The following CORIN variants were observed in gnomAD, a reference collection of about 807,000 sequenced individuals.
The protein encoded by CORIN is atrial natriuretic peptide-converting enzyme.
In CORIN, 117 loss-of-function variants were observed where a neutral mutation model predicts 125.3. That is an observed-to-expected ratio of 0.93 (90% confidence interval 0.80 to 1.09). CORIN has a LOEUF of 1.09. CORIN is among the 50% of genes least tolerant of loss of function. The pLI is 0.00. For synonymous variants in CORIN, 450 were observed against 466.4 expected, an observed-to-expected ratio of 0.96 and a Z score of 0.45; for missense variants, 1,253 against 1,306.7, an observed-to-expected ratio of 0.96 and a Z score of 0.63.
intron 1 of CORIN, among the ~76,000 whole-genome samples, chr4:47,824,116 CTT>C (rs199752598): frequency 2.8e-4 from 39 of 139,164 alleles, no homozygotes; most frequent in East Asian, 8.2e-4. Flanking sequence ...AATGCTATTC[CTT>C]TTTTTTTTTT....
intron 15 of CORIN, 50 bp downstream of exon 15, chr4:47,643,096 G>A (rs923568297): frequency 6.2e-7 from 1 of 1,613,638 alleles, no homozygotes; most frequent in Non-Finnish European, 8.5e-7. Context: ...CAGCTTCAGT[G>A]GCTGACAGGC....
At chr4:47,621,021 C>T (rs997314018) in intron 19 of CORIN, among the ~76,000 whole-genome samples, 6 of 151,802 alleles carry the variant, frequency 4.0e-5, no homozygotes, top group Non-Finnish European at 8.8e-5. Flanking sequence ...TTTTTTGCCT[C>T]GAATTTTTGC....
At chr4:47,836,650 A>C (rs1274110838) in intron 1 of CORIN, among the ~76,000 whole-genome samples, 3 of 152,110 alleles carry the variant, frequency 2.0e-5, no homozygotes, top group Non-Finnish European at 4.4e-5. Flanking sequence ...TTTATGAATT[A>C]CTCGAACAGC....
At chr4:47,765,928 T>C (rs978698947) in intron 3 of CORIN, among the ~76,000 whole-genome samples, 1 of 152,228 alleles carries the variant, frequency 6.6e-6, no homozygotes, top group African/African-American at 2.4e-5. Flanking sequence ...ACACTTTTTC[T>C]ATAGTTTTGT....
At chr4:47,702,287 C>G (rs1726333720) in intron 5 of CORIN, among the ~76,000 whole-genome samples, 1 of 151,906 alleles carries the variant, frequency 6.6e-6, no homozygotes, top group African/African-American at 2.4e-5. Flanking sequence ...AGGATGGTTT[C>G]TATAAAAGAG....
chr4:47,712,648 T>G (rs1387104168), intron 5 of CORIN, among the ~76,000 whole-genome samples: 1 of 152,198 alleles, frequency 6.6e-6, no homozygotes, highest in Admixed American at 6.5e-5. Context: ...CTCCCCTGGC[T>G]GCCACACAGA....
intron 21 of CORIN, among the ~76,000 whole-genome samples, chr4:47,597,351 CAAAA>C (rs11420411): frequency 2.5e-5 from 3 of 117,896 alleles, no homozygotes; most frequent in South Asian, 3.0e-4. Context: ...AACTCCATCT[CAAAA>C]AAAAAAAAAA....
chr4:47,805,315 C>T (rs1731744760), intron 2 of CORIN, among the ~76,000 whole-genome samples: 1 of 151,868 alleles, frequency 6.6e-6, no homozygotes, highest in African/African-American at 2.4e-5. Context: ...TAACATACCT[C>T]ATAAATATAT....
intron 5 of CORIN, among the ~76,000 whole-genome samples, chr4:47,744,198 G>C (rs969677734): frequency 6.6e-6 from 1 of 152,112 alleles, no homozygotes; most frequent in African/African-American, 2.4e-5. Flanking sequence ...CTTTTGGAAG[G>C]GTGAGATATG....
intron 5 of CORIN, among the ~76,000 whole-genome samples, chr4:47,741,926 A>G (rs1728414519): frequency 6.6e-6 from 1 of 152,006 alleles, no homozygotes; most frequent in Admixed American, 6.5e-5. Context: ...ATTTACTGCT[A>G]ATGCGTGTAG....
At chr4:47,643,792 C>T (rs1048118874) in intron 14 of CORIN, among the ~76,000 whole-genome samples, 1 of 152,076 alleles carries the variant, frequency 6.6e-6, no homozygotes, top group Non-Finnish European at 1.5e-5. Context: ...TAAGGGAGCC[C>T]GATTTTGTTC....
chr4:47,668,915 G>T (rs2109682304), intron 10 of CORIN, among the ~76,000 whole-genome samples: 1 of 152,292 alleles, frequency 6.6e-6, no homozygotes, highest in South Asian at 2.1e-4. Context: ...TGCTAAGCAA[G>T]ATAAACTCTC....
chr4:47,696,961 G>C (rs1726039778), intron 5 of CORIN, among the ~76,000 whole-genome samples: 1 of 152,124 alleles, frequency 6.6e-6, no homozygotes, highest in South Asian at 2.1e-4. Flanking sequence ...CCCTGTCTTT[G>C]AGTCCTTGCT....
At chr4:47,787,375 G>A (rs1219397142) in intron 2 of CORIN, among the ~76,000 whole-genome samples, 4 of 152,046 alleles carry the variant, frequency 2.6e-5, no homozygotes, top group Non-Finnish European at 5.9e-5. Flanking sequence ...CTCTGTATCT[G>A]TCATCAAAGG....
At chr4:47,788,615 T>C (rs1238967570) in intron 2 of CORIN, among the ~76,000 whole-genome samples, 1 of 152,248 alleles carries the variant, frequency 6.6e-6, no homozygotes, top group Non-Finnish European at 1.5e-5. Context: ...ATTTCACACA[T>C]ACAGAATAAT....
At chr4:47,817,326 A>G (rs763061431) in intron 1 of CORIN, among the ~76,000 whole-genome samples, 1 of 151,238 alleles carries the variant, frequency 6.6e-6, no homozygotes, top group Admixed American at 6.6e-5. Context: ...TAACTAACAT[A>G]TACTACTCTT....
chr4:47,825,586 C>G (rs185600729), intron 1 of CORIN, among the ~76,000 whole-genome samples: 175 of 152,144 alleles, frequency 1.2e-3, no homozygotes, highest in African/African-American at 4.1e-3. Context: ...CCCACCAAGC[C>G]CACATTGCAG....
At chr4:47,598,631 A>G (rs1278338393) in intron 21 of CORIN, among the ~76,000 whole-genome samples, 1 of 152,144 alleles carries the variant, frequency 6.6e-6, no homozygotes, top group Non-Finnish European at 1.5e-5. Context: ...AGAGGAAGAA[A>G]TGTAGTTATA....
At chr4:47,697,829 G>T (rs1009728428) in intron 5 of CORIN, among the ~76,000 whole-genome samples, 2 of 152,072 alleles carry the variant, frequency 1.3e-5, no homozygotes, top group Non-Finnish European at 2.9e-5. Flanking sequence ...AGAGAAATTT[G>T]AAAAGGTGGC....
Sources: gnomAD v4.1 joint callset for allele counts (sites outside exome capture counted in the v4.1 genomes callset) on GRCh38, gnomAD v4.1.1 for gene constraint, MANE v1.5 for transcripts, NCBI Gene and HGNC (gene_info 2026-07-23, HGNC 2026-07-21) for gene names.